The following PLEKHH1 variants were observed in gnomAD, a reference collection of about 807,000 sequenced individuals.
PLEKHH1 encodes pleckstrin homology, MyTH4 and FERM domain containing H1.
PLEKHH1 carries 104 observed loss-of-function variants against 160.0 expected under a neutral mutation model. The ratio of observed to expected loss-of-function variants is 0.65; its 90% CI spans 0.55 to 0.76. The LOEUF (loss-of-function observed/expected upper bound fraction) is 0.76. Among genes scored for constraint, PLEKHH1 ranks in the 30% least tolerant of loss-of-function variants. PLEKHH1 has a pLI of 0.00. For synonymous variants in PLEKHH1, 619 were observed against 678.4 expected (o/e 0.91, Z 1.36); for missense variants, 1,427 against 1,724.1 (o/e 0.83, Z 3.05).
Position 67,576,576 on chromosome 14 carries a change from GA to G in PLEKHH1, c.2461+76del, listed in dbSNP as rs1271513499. 3.8e-6 allele frequency: 3 copies of G among 788,148 alleles called. No homozygotes were observed. In the African/African-American group the frequency reaches 5.1e-5, roughly 13 times the overall value. 48.8% of individuals were successfully genotyped at this position (788,148 alleles called of 1,614,324 possible). On this transcript the variant is annotated intron_variant, in intron 17 of 28. Transcript: ENST00000329153. This position sits in a 1 kb window ranked among gnomAD's most constrained non-coding sequence, Gnocchi z 4.0. ...GGTGACTATTGGTCAAGATCCCAAA[GA>G]AAGCAGTGTTGTACCCTGAAGCTGT...
Position 67,574,445 on chromosome 14 carries a change from C to T in PLEKHH1, c.2088+42C>T, listed in dbSNP as rs369575634. On this transcript the variant is annotated intron_variant, in intron 14 of 28. Transcript: ENST00000329153. The surrounding 1 kb of genome is among the most constrained non-coding windows in gnomAD (Gnocchi z 4.2). ...ATAGGGCAGGAACATGTGCCTCCTGCGAATCAGGGGAGCCAGGATTGGGGT... is the reference window on the plus strand; with the variant it reads ...ATAGGGCAGGAACATGTGCCTCCTGTGAATCAGGGGAGCCAGGATTGGGGT... 37 of 1,423,194 alleles carry T rather than the reference C, an allele frequency of 2.6e-5. No individual in the cohort carries two copies. In the Admixed American group the frequency reaches 6.1e-4, roughly 24 times the overall value. 88.2% of individuals were successfully genotyped at this position (1,423,194 alleles called of 1,614,324 possible).
chr14:67,554,355 G>T (rs2140381486), intron 2 of PLEKHH1, among the ~76,000 whole-genome samples: 1 of 152,340 alleles, frequency 6.6e-6, no homozygotes, highest in South Asian at 2.1e-4. Flanking sequence ...AAGGGAGAAG[G>T]TTGAGTAGCC....
chr14:67,578,298 C>G lies in PLEKHH1; in HGVS notation c.2751+99C>G. 1 of 1,087,924 alleles carries G rather than the reference C, an allele frequency of 9.2e-7. No individual in the cohort carries two copies. The highest frequency in any genetic ancestry group is 1.4e-6 in the Non-Finnish European group (1 of 732,370). 67.4% of individuals were successfully genotyped at this position (1,087,924 alleles called of 1,614,324 possible). ...GTGACTGGGCAGGTATACGGTGAGC[C>G]CAGCCAGCGGGCAGCCTCTGTGCTC... On this transcript the variant is annotated intron_variant, in intron 19 of 28. Transcript: ENST00000329153. This position sits in a 1 kb window ranked among gnomAD's most constrained non-coding sequence, Gnocchi z 5.0.
chr14:67,583,890 AGGCTACAAGGTC>A lies in PLEKHH1; in HGVS notation c.3569+8_3569+19del. 6.2e-7 allele frequency: 1 copy of A among 1,613,422 alleles called. No homozygotes were observed. The highest frequency in any genetic ancestry group is 8.5e-7 in the Non-Finnish European group (1 of 1,179,444). On this transcript the variant is annotated splice_region_variant and intron_variant, in intron 25 of 28. Coordinates refer to ENST00000329153, the MANE Select transcript of PLEKHH1 (RefSeq NM_020715.3). ...CCCCCGCTGAACAGCTGAGGTAGGT[AGGCTACAAGGTC>A]TTGCAGCAAGTCACTGTGGGGAGGT... is the stretch of plus-strand genomic sequence containing the variant.
At chr14:67,586,599 AG>A in intron 28 of PLEKHH1, 1 of 451,640 alleles carries the variant, frequency 2.2e-6, no homozygotes, top group Non-Finnish European at 4.0e-6. Context: ...TACTCAATAC[AG>A]GAAGTGTTGA....
rs752039018 is a variant in PLEKHH1, at chr14:67,571,800, T to C, written c.1483T>C (p.Ser495Pro). ...GCCCTTTATGGACGAGTCCTCTGGG[T>C]CTGACGATGACTGCAGCTCTCAGGC... ...NMPFMDESSG[S>P]DDDCSSQASF... The change falls in exon 10 of 29, where the codon TCT becomes CCT. Residue 495 changes from serine (S) to proline (P), a missense_variant. Around this residue, in one of 6 missense-constraint regions of PLEKHH1, gnomAD observed 831 missense variants for 929.2 expected, o/e 0.89. Coordinates refer to ENST00000329153, the MANE Select transcript of PLEKHH1 (RefSeq NM_020715.3). 4 of 1,613,700 alleles carry C rather than the reference T, an allele frequency of 2.5e-6. No homozygotes were observed. The highest frequency in any genetic ancestry group is 3.4e-6 in the Non-Finnish European group (4 of 1,179,820).
Position 67,555,800 on chromosome 14 carries a change from C to T in PLEKHH1, c.127-25C>T, listed in dbSNP as rs773068310. ...CACAGTAGGGACATGGCACCTACAT[C>T]TCCCCTTTCTCTCTGGCCAAGCAGA... On this transcript the variant is annotated intron_variant, in intron 2 of 28. Coordinates refer to ENST00000329153, the MANE Select transcript of PLEKHH1 (RefSeq NM_020715.3). The T allele has an allele frequency of 1.9e-6, 3 of 1,612,122 alleles. No individual in the cohort carries two copies. In the South Asian group the frequency reaches 3.3e-5, roughly 18 times the overall value.
chr14:67,546,696 C>G (rs147895150), intron 2 of PLEKHH1, among the ~76,000 whole-genome samples: 1 of 152,128 alleles, frequency 6.6e-6, no homozygotes, highest in Non-Finnish European at 1.5e-5. Flanking sequence ...AGGCAGCAGA[C>G]ACATGTTTTT....
intron 2 of PLEKHH1, among the ~76,000 whole-genome samples, chr14:67,546,707 A>T (rs2073848527): frequency 1.3e-5 from 2 of 152,214 alleles, no homozygotes; most frequent in Admixed American, 6.5e-5. Flanking sequence ...ACATGTTTTT[A>T]AAAAATTATT....
In PLEKHH1 at chr14:67,573,796, T is replaced by G. The variant is rs547618550; in HGVS notation, c.1840-5T>G. On this transcript the variant is annotated splice_region_variant and splice_polypyrimidine_tract_variant and intron_variant, in intron 12 of 28. Coordinates refer to ENST00000329153, the MANE Select transcript of PLEKHH1 (RefSeq NM_020715.3). This position sits in a 1 kb window ranked among gnomAD's most constrained non-coding sequence, Gnocchi z 4.8. ...TGGCTCTCCTCTCCAATACTTTCTT[T>G]ACAGAGTGATGTCATCCGGAAACCT... 13 of 1,603,448 alleles carry G rather than the reference T, an allele frequency of 8.1e-6. No homozygotes were observed. The African/African-American group carries it at 1.3e-4, about 16-fold the overall frequency.
At chr14:67,557,889 C>G (rs1056171783) in intron 4 of PLEKHH1, among the ~76,000 whole-genome samples, 1 of 152,182 alleles carries the variant, frequency 6.6e-6, no homozygotes, top group Non-Finnish European at 1.5e-5. Context: ...ATACTTGATA[C>G]TTGGCTGTAG....
rs1448405430 is a variant in PLEKHH1, at chr14:67,562,328, G to A, written c.697G>A (p.Ala233Thr). The A allele has an allele frequency of 6.2e-7, 1 of 1,613,988 alleles. No individual in the cohort carries two copies. Among genetic ancestry groups the A allele is most frequent in the African/African-American group, 1.3e-5 (1 of 75,058 alleles). Reference protein sequence around the residue: ...LQSKDSVSEAASPLEDSSSST... With the variant: ...LQSKDSVSEATSPLEDSSSST... ...GAGCAAGGACTCTGTTTCTGAAGCA[G>A]CAAGCCCCTTGGAGGATTCTAGTTC... The change falls in exon 7 of 29, where the codon GCA (alanine) becomes ACA (threonine). Residue 233 changes from alanine to threonine, a missense_variant. By Grantham distance (58) the Ala-to-Thr change is moderately conservative. Coordinates refer to ENST00000329153, the MANE Select transcript of PLEKHH1 (RefSeq NM_020715.3).
chr14:67,579,328 GCT>G lies in PLEKHH1; in HGVS notation c.3027+20_3027+21del. 3 of 1,480,836 alleles carry G rather than the reference GCT, an allele frequency of 2.0e-6. No individual in the cohort carries two copies. The highest frequency in any genetic ancestry group is 2.7e-6 in the Non-Finnish European group (3 of 1,115,742). 91.7% of individuals were successfully genotyped at this position (1,480,836 alleles called of 1,614,324 possible). A position where few individuals can be genotyped will look rare whatever the true frequency, so the allele number is the denominator to read the frequency against. Reference sequence around the variant, plus strand: ...ACTTACCATGTGAGGAGCTGGGCGTGCTCTTTGCCCCGAGTCTTCTCACGTCA... The same window carrying G: ...ACTTACCATGTGAGGAGCTGGGCGTGCTTTGCCCCGAGTCTTCTCACGTCA... On this transcript the variant is annotated intron_variant, in intron 21 of 28. Transcript: ENST00000329153.
intron 28 of PLEKHH1, chr14:67,586,800 C>T: frequency 7.1e-7 from 1 of 1,410,590 alleles, no homozygotes; most frequent in Non-Finnish European, 9.3e-7. Context: ...GGCCCCTTCC[C>T]TGGTTGTAGA....
intron 7 of PLEKHH1, among the ~76,000 whole-genome samples, chr14:67,565,419 AT>A (rs1179788356): frequency 6.6e-6 from 1 of 151,818 alleles, no homozygotes; most frequent in Admixed American, 6.6e-5. Flanking sequence ...AATTTTTTAA[AT>A]TTTTTGTAGG....
intron 2 of PLEKHH1, among the ~76,000 whole-genome samples, chr14:67,553,859 A>T (rs941441334): frequency 3.3e-5 from 5 of 152,114 alleles, no homozygotes; most frequent in African/African-American, 7.2e-5. Flanking sequence ...ACCAGAACCA[A>T]CCCACCCACT....
intron 26 of PLEKHH1, chr14:67,585,076 T>C (rs949482995): frequency 3.3e-5 from 5 of 153,790 alleles, no homozygotes; most frequent in African/African-American, 9.6e-5. Context: ...TTCTTACTGA[T>C]AGGGCCTAAA....
chr14:67,577,362 T>A lies in PLEKHH1; in HGVS notation c.2522T>A (p.Leu841His). The A allele has an allele frequency of 6.3e-7, 1 of 1,591,646 alleles. No homozygotes were observed. ...CYSKDGLYAS[L>H]TTLPSEALQT... The stretch of plus-strand genomic sequence containing the variant: ...AGCAAAGACGGCCTATACGCCTCCC[T>A]CACCACCCTGCCCTCTGAGGCCTTG... Residue 841 changes from leucine to histidine, a missense_variant, in exon 18 of 29, where the codon CTC becomes CAC. Around this residue, in one of 6 missense-constraint regions of PLEKHH1, gnomAD observed 436 missense variants for 607.5 expected, o/e 0.72. Coordinates refer to ENST00000329153, the MANE Select transcript of PLEKHH1 (RefSeq NM_020715.3).
chr14:67,574,282 C>T lies in PLEKHH1; in HGVS notation c.1967C>T (p.Ser656Leu). 6.2e-7 allele frequency: 1 copy of T among 1,608,780 alleles called. No individual in the cohort carries two copies. The highest frequency in any genetic ancestry group is 8.5e-7 in the Non-Finnish European group (1 of 1,177,538). Residue 656 changes from serine to leucine, a missense_variant, in exon 14 of 29, where the codon TCA becomes TTA. Physicochemically the swap from Ser to Leu is moderately radical, Grantham distance 145. Coordinates refer to ENST00000329153, the MANE Select transcript of PLEKHH1 (RefSeq NM_020715.3). The surrounding 1 kb of genome is among the most constrained non-coding windows in gnomAD (Gnocchi z 4.2). ...EKKTYYLTAD[S>L]PSLLEEWIRV... ...AAAACCTACTACCTGACGGCCGATT[C>T]ACCCAGCCTGCTGGAGGAGTGGATC...
Sources: gnomAD v4.1 joint callset for allele counts (sites outside exome capture counted in the v4.1 genomes callset) on GRCh38, gnomAD v4.1.1 for gene constraint, gnomAD v4.1.1 regional missense constraint, Gnocchi (gnomAD v3.1) non-coding constraint, MANE v1.5 for transcripts, NCBI Gene and HGNC (gene_info 2026-07-23, HGNC 2026-07-21) for gene names.